Variants in NHSL3 observed in about 807,000 individuals in gnomAD.
NHSL3 encodes the protein NHS-like protein 3.
the NHSL3 span, chr1:32,772,042 C>G: frequency 6.2e-7 from 1 of 1,604,946 alleles, no homozygotes; most frequent in Non-Finnish European, 8.5e-7. Context: ...GCCCAACGGA[C>G]CGCCTGAGGC....
chr1:32,758,862 G>C, the NHSL3 span, among the ~76,000 whole-genome samples: 1 of 152,156 alleles, frequency 6.6e-6, no homozygotes, highest in African/African-American at 2.4e-5. Flanking sequence ...AGGGCAGTGA[G>C]ATCTGGTCTG....
the NHSL3 span, chr1:32,770,788 C>T: frequency 2.5e-6 from 4 of 1,588,376 alleles, no homozygotes; most frequent in Non-Finnish European, 3.4e-6. The surrounding 1 kb of genome is among the most constrained non-coding windows in gnomAD (Gnocchi z 8.3). Context: ...GCCTCGGCCA[C>T]CCACCACTGG....
At chr1:32,756,482 C>CCCG in the NHSL3 span, among the ~76,000 whole-genome samples, 1 of 115,356 alleles carries the variant, frequency 8.7e-6, no homozygotes, top group Non-Finnish European at 1.9e-5. Flanking sequence ...CCCCCCCCCC[C>CCCG]GCCCATTTCT....
the NHSL3 span, chr1:32,768,896 A>G: frequency 9.7e-6 from 12 of 1,241,458 alleles, no homozygotes; most frequent in Non-Finnish European, 1.2e-5. Context: ...CGGGAAACAC[A>G]GTACCCTGTG....
chr1:32,749,460 C>T, the NHSL3 span, among the ~76,000 whole-genome samples: 2 of 152,274 alleles, frequency 1.3e-5, no homozygotes, highest in Middle Eastern at 3.4e-3. Context: ...ACTCTCAGAG[C>T]TCATGGCCCG....
the NHSL3 span, among the ~76,000 whole-genome samples, chr1:32,758,819 A>G: frequency 6.6e-6 from 1 of 151,882 alleles, no homozygotes; most frequent in Non-Finnish European, 1.5e-5. Flanking sequence ...AATTAAGGGG[A>G]AATGAAAGCT....
the NHSL3 span, chr1:32,771,800 T>C: frequency 1.9e-6 from 3 of 1,613,008 alleles, no homozygotes; most frequent in Non-Finnish European, 2.5e-6. Flanking sequence ...AGGGAGGACG[T>C]AGGTGCGCCC....
the NHSL3 span, among the ~76,000 whole-genome samples, chr1:32,763,423 C>T: frequency 6.6e-6 from 1 of 152,282 alleles, no homozygotes; most frequent in East Asian, 1.9e-4. Context: ...TACTGGCCTC[C>T]TCTCTCTTCC....
At chr1:32,774,549 A>C in the NHSL3 span, 1 of 152,506 alleles carries the variant, frequency 6.6e-6, no homozygotes, top group East Asian at 1.9e-4. Flanking sequence ...GACTGGGTCA[A>C]AGCTGCATGA....
the NHSL3 span, among the ~76,000 whole-genome samples, chr1:32,755,412 G>T: frequency 6.6e-6 from 1 of 152,272 alleles, no homozygotes; most frequent in East Asian, 1.9e-4. Context: ...GGAGCTTGAT[G>T]ATCTCATCGC....
At chr1:32,769,047 G>A in the NHSL3 span, 57 of 323,506 alleles carry the variant, frequency 1.8e-4, no homozygotes, top group African/African-American at 1.1e-3. Context: ...TCAGGAGATC[G>A]AGACCATCCT....
chr1:32,768,918 A>C, the NHSL3 span: 3 of 1,049,724 alleles, frequency 2.9e-6, no homozygotes, highest in Non-Finnish European at 4.1e-6. Context: ...CCTCTTGCAC[A>C]TTCGTGATAC....
At chr1:32,771,097 C>T in the NHSL3 span, 3 of 1,613,838 alleles carry the variant, frequency 1.9e-6, no homozygotes, top group Non-Finnish European at 2.5e-6. Context: ...CTCCTCTGAC[C>T]CAGCCCCCTC....
chr1:32,742,107 G>C, the NHSL3 span: 112 of 1,249,590 alleles, frequency 9.0e-5, 1 homozygote, highest in South Asian at 2.4e-3. Context: ...AGAAGGCGGC[G>C]GGGGCCGAGG....
the NHSL3 span, chr1:32,770,667 G>T: frequency 1.3e-6 from 2 of 1,525,886 alleles, no homozygotes. This position sits in a 1 kb window ranked among gnomAD's most constrained non-coding sequence, Gnocchi z 8.3. Flanking sequence ...AGCTGAAGCG[G>T]CCTCCACCCC....
chr1:32,742,235 T>G, the NHSL3 span: 1 of 1,237,434 alleles, frequency 8.1e-7, no homozygotes, highest in Non-Finnish European at 1.0e-6. Flanking sequence ...GCGTCGAGGG[T>G]GCGGCCGAGG....
the NHSL3 span, chr1:32,769,990 G>T: frequency 3.7e-6 from 6 of 1,605,794 alleles, no homozygotes; most frequent in East Asian, 4.5e-5. Context: ...AGGGATGGGG[G>T]CCCGGGTGTC....
the NHSL3 span, among the ~76,000 whole-genome samples, chr1:32,745,526 C>A: frequency 1.4e-5 from 2 of 147,362 alleles, no homozygotes; most frequent in Non-Finnish European, 3.0e-5. Flanking sequence ...CCACTGTACT[C>A]CAGCCTGGGC....
the NHSL3 span, among the ~76,000 whole-genome samples, chr1:32,766,517 G>A: frequency 9.9e-5 from 15 of 151,996 alleles, no homozygotes; most frequent in Non-Finnish European, 1.8e-4. Context: ...TGGGGATCTC[G>A]GGCACTGGTC....
Sources: allele counts gnomAD v4.1 joint callset (sites outside exome capture counted in the v4.1 genomes callset), GRCh38; gene constraint gnomAD v4.1.1; non-coding constraint Gnocchi (gnomAD v3.1); transcripts MANE v1.5; gene names NCBI Gene and HGNC (gene_info 2026-07-23, HGNC 2026-07-21).